POLD3: variants seen among roughly 807,000 people sequenced by gnomAD.
The protein encoded by POLD3 is DNA polymerase delta subunit 3.
POLD3 carries 19 observed loss-of-function variants against 58.2 expected under a neutral mutation model. That is an observed-to-expected ratio of 0.33 (90% CI 0.23 to 0.48). The LOEUF (loss-of-function observed/expected upper bound fraction) is 0.48. Ranked by LOEUF, POLD3 falls within the 20% of genes least tolerant of loss-of-function variation. The pLI, the probability that POLD3 is intolerant of heterozygous loss-of-function variation, is 0.99. For synonymous variants in POLD3, 172 were observed against 193.5 expected, an observed-to-expected ratio of 0.89 and a Z score of 0.92; for missense variants, 504 against 545.5, an observed-to-expected ratio of 0.92 and a Z score of 0.76.
intron 8 of POLD3, among the ~76,000 whole-genome samples, chr11:74,628,014 G>A (rs1408816109): frequency 6.6e-6 from 1 of 152,098 alleles, no homozygotes; most frequent in Non-Finnish European, 1.5e-5. Flanking sequence ...TGTGGGAAAG[G>A]TTTTTATTGT....
In POLD3 at chr11:74,592,703, G is replaced by A; in HGVS notation, c.45G>A (p.Thr15=). The A allele has an allele frequency of 6.2e-7, 1 of 1,614,076 alleles. No individual in the cohort carries two copies. The highest frequency in any genetic ancestry group is 8.5e-7 in the Non-Finnish European group (1 of 1,179,974). Reference sequence around the variant, plus strand: ...TGGAAAATATAGACGAGTTCGTCACGGACCAAAACAAGATCGTGAGCAGCT... The same window carrying A: ...TGGAAAATATAGACGAGTTCGTCACAGACCAAAACAAGATCGTGAGCAGCT... ...LYLENIDEFV[T]DQNKIVTYKW... is the part of the protein sequence containing the mutation. The change falls in exon 1 of 12, where the codon ACG becomes ACA. Residue 15 remains threonine (T), a synonymous_variant. Coordinates refer to ENST00000263681, the MANE Select transcript of POLD3 (RefSeq NM_006591.3).
At chr11:74,614,816 T>C (rs1159450839) in intron 5 of POLD3, among the ~76,000 whole-genome samples, 1 of 152,076 alleles carries the variant, frequency 6.6e-6, no homozygotes, top group Non-Finnish European at 1.5e-5. Flanking sequence ...ATACCCATGC[T>C]TCTGGCTTGG....
At chr11:74,627,280 A>G (rs1368870984) in intron 8 of POLD3, among the ~76,000 whole-genome samples, 1 of 152,154 alleles carries the variant, frequency 6.6e-6, no homozygotes, top group Non-Finnish European at 1.5e-5. Flanking sequence ...TTTCAACAAA[A>G]AAAGTTTAAA....
chr11:74,649,399 A>G (rs897565130), intron 4 of POLD3, among the ~76,000 whole-genome samples: 1 of 152,204 alleles, frequency 6.6e-6, no homozygotes, highest in African/African-American at 2.4e-5. Flanking sequence ...CAGACAGAGT[A>G]TCCTATTGTC....
At chr11:74,663,374 T>C (rs1039030032) in intron 4 of POLD3, among the ~76,000 whole-genome samples, 2 of 152,246 alleles carry the variant, frequency 1.3e-5, no homozygotes, top group Non-Finnish European at 2.9e-5. Flanking sequence ...AATTGGTAAG[T>C]TGAAGTTCTA....
intron 8 of POLD3, among the ~76,000 whole-genome samples, chr11:74,627,514 A>C (rs931830447): frequency 2.6e-5 from 4 of 152,164 alleles, no homozygotes; most frequent in African/African-American, 9.6e-5. Context: ...TCCAGTGTTG[A>C]TAAAGTCTAC....
chr11:74,611,815 A>G (rs1227691674), intron 4 of POLD3, among the ~76,000 whole-genome samples: 1 of 152,226 alleles, frequency 6.6e-6, no homozygotes, highest in Non-Finnish European at 1.5e-5. Flanking sequence ...TGAATACCAT[A>G]TGAGCTACCT....
chr11:74,659,659 T>G (rs1007443537), intron 4 of POLD3, among the ~76,000 whole-genome samples: 1 of 151,122 alleles, frequency 6.6e-6, no homozygotes, highest in Admixed American at 6.6e-5. Flanking sequence ...TCCACAGATC[T>G]CTAGGGCACA....
chr11:74,593,035 A>G (rs1270792630), intron 1 of POLD3: 11 of 1,162,952 alleles, frequency 9.5e-6, no homozygotes, highest in Non-Finnish European at 1.2e-5. Context: ...CCTTTCTTTT[A>G]AGGTGGTTGG....
At chr11:74,636,155 C>A in intron 10 of POLD3, 42 bp from the exon 11 acceptor site, 1 of 1,573,848 alleles carries the variant, frequency 6.4e-7, no homozygotes, top group Non-Finnish European at 8.7e-7. Flanking sequence ...TTCTGTATAA[C>A]ATAATTGATC....
downstream of POLD3, among the ~76,000 whole-genome samples, chr11:74,643,872 GC>G (rs1217350186): frequency 6.6e-6 from 1 of 152,168 alleles, no homozygotes; most frequent in Non-Finnish European, 1.5e-5. Flanking sequence ...TAAAATTCTA[GC>G]GGGATTAAAG....
At chr11:74,654,034 A>G (rs755621737) in intron 4 of POLD3, among the ~76,000 whole-genome samples, 3 of 152,136 alleles carry the variant, frequency 2.0e-5, no homozygotes, top group African/African-American at 4.8e-5. Flanking sequence ...CTTTTGCTCA[A>G]CCAGATCTCA....
intron 2 of POLD3, among the ~76,000 whole-genome samples, chr11:74,598,442 C>T (rs1358428712): frequency 6.6e-6 from 1 of 152,180 alleles, no homozygotes; most frequent in Admixed American, 6.5e-5. Flanking sequence ...ATTACTATTG[C>T]TGTGTCAGAA....
intron 11 of POLD3, 126 bp downstream of exon 11, chr11:74,636,401 C>T: frequency 2.4e-6 from 2 of 839,434 alleles, no homozygotes; most frequent in Non-Finnish European, 3.8e-6. Context: ...CCAAGTGGTA[C>T]TGATGCTGTT....
At chr11:74,592,794 C>T (rs1483419032) in intron 1 of POLD3, 76 bp downstream of exon 1, 15 of 1,586,924 alleles carry the variant, frequency 9.5e-6, no homozygotes, top group Admixed American at 1.8e-5. Flanking sequence ...GAGCCTTGAC[C>T]CTCTGTCTGC....
At chr11:74,661,440 T>C (rs11236199) in intron 4 of POLD3, among the ~76,000 whole-genome samples, 60,903 of 152,176 alleles carry the variant, frequency 0.4, 13,702 homozygotes, top group Non-Finnish European at 0.51. Flanking sequence ...AGTAACACTA[T>C]GATTTAGACT....
At chr11:74,636,081 C>A in intron 10 of POLD3, 116 bp from the exon 11 acceptor site, 1 of 1,006,592 alleles carries the variant, frequency 9.9e-7, no homozygotes, top group Non-Finnish European at 1.4e-6. Flanking sequence ...GTTTCTCTTT[C>A]AACTTTTTAT....
intron 5 of POLD3, among the ~76,000 whole-genome samples, chr11:74,614,226 T>C (rs1159429723): frequency 6.6e-6 from 1 of 152,214 alleles, no homozygotes; most frequent in Non-Finnish European, 1.5e-5. Flanking sequence ...AGTGAAATTA[T>C]CAAAATTGCA....
At chr11:74,625,837 T>G (rs576413860) in intron 8 of POLD3, among the ~76,000 whole-genome samples, 1 of 150,562 alleles carries the variant, frequency 6.6e-6, no homozygotes, top group African/African-American at 2.4e-5. Context: ...TGATTTTTGT[T>G]TTAAATTTGT....
Sources: gnomAD v4.1 joint callset for allele counts (sites outside exome capture counted in the v4.1 genomes callset) on GRCh38, gnomAD v4.1.1 for gene constraint, MANE v1.5 for transcripts, NCBI Gene and HGNC (gene_info 2026-07-23, HGNC 2026-07-21) for gene names.